Variants in ITCH observed in about 807,000 individuals in gnomAD.
ITCH encodes the protein E3 ubiquitin-protein ligase Itchy homolog.
A neutral mutation model predicts 126.8 loss-of-function variants in ITCH; 28 were observed. The observed-to-expected ratio is 0.22, with a 90% CI of 0.16 to 0.30. The LOEUF (loss-of-function observed/expected upper bound fraction) is 0.30, where lower values mean the gene tolerates loss of function less well. ITCH is among the 10% of genes least tolerant of loss of function. ITCH has a pLI of 1.00. For missense variants in ITCH, 631 were observed against 1,032.4 expected (o/e 0.61, Z 5.33); for synonymous variants, 342 against 340.0 (o/e 1.01, Z -0.06).
Position 34,408,521 on chromosome 20 carries a change from G to A in ITCH, c.71-130G>A, listed in dbSNP as rs1158687701. The A allele has an allele frequency of 3.8e-6, 3 of 796,458 alleles. No homozygotes were observed. In the African/African-American group the frequency reaches 5.2e-5, roughly 14 times the overall value. The allele number at this position is 796,458 out of a possible 1,614,324, so 49.3% of individuals were successfully genotyped here. A position where few individuals can be genotyped will look rare whatever the true frequency, so the allele number is the denominator to read the frequency against. ...ACAAAGGTTATGAGTGAATAAAATTGGTAAGTATTTTAGAGCAAAACTGCT... is the reference window on the plus strand; with the variant it reads ...ACAAAGGTTATGAGTGAATAAAATTAGTAAGTATTTTAGAGCAAAACTGCT... On this transcript the variant is annotated intron_variant, in intron 3 of 24. Transcript: ENST00000374864.
intron 23 of ITCH, among the ~76,000 whole-genome samples, chr20:34,492,839 A>G (rs1989611517): frequency 6.6e-6 from 1 of 152,232 alleles, no homozygotes; most frequent in Admixed American, 6.5e-5. Flanking sequence ...CTGTATGTAA[A>G]TCTGTTCATT....
At chr20:34,377,005 T>A (rs2037871713) in intron 2 of ITCH, among the ~76,000 whole-genome samples, 1 of 152,212 alleles carries the variant, frequency 6.6e-6, no homozygotes, top group Non-Finnish European at 1.5e-5. Context: ...TATCCCTTAC[T>A]CAGTCCCAAC....
chr20:34,394,383 C>T (rs1395732949), intron 3 of ITCH, among the ~76,000 whole-genome samples: 3 of 151,708 alleles, frequency 2.0e-5, no homozygotes, highest in African/African-American at 7.3e-5. Flanking sequence ...ACATGGGTAC[C>T]TGGGTAGTTG....
At chr20:34,392,282 A>T (rs2038516369) in intron 2 of ITCH, among the ~76,000 whole-genome samples, 1 of 152,220 alleles carries the variant, frequency 6.6e-6, no homozygotes, top group African/African-American at 2.4e-5. Context: ...TACCTTTCAT[A>T]TTTAAAATAA....
At position 34,386,870 on chromosome 20, in the gene ITCH, C is replaced by G. The variant is rs574012605; in HGVS notation, c.-21-6921C>G. On this transcript the variant is annotated intron_variant, in intron 2 of 24. Coordinates refer to ENST00000374864, the MANE Select transcript of ITCH (RefSeq NM_031483.7). ...TCTTCTGAAGTATGTCTATCCCTTT[C>G]CACATTTTTGTTTCCACTGCCTTTT... is the stretch of plus-strand genomic sequence containing the variant. 1.4e-4 allele frequency among the ~76,000 whole-genome samples: 22 copies of G among 152,208 alleles called. No individual in the cohort carries two copies. The South Asian group carries it at 3.7e-3, about 26-fold the overall frequency.
rs192959273 is a variant in ITCH, at chr20:34,505,628, T to C, written c.2489+1225T>C. ...AGTGCAGTGGCGTGATCTCAGCTCA[T>C]TGCAACCTCTGCCTCCTGGGTTCAA... On this transcript the variant is annotated intron_variant, in intron 24 of 24. Transcript: ENST00000374864. Among the ~76,000 whole-genome samples the C allele has an allele frequency of 4.2e-3, 630 of 151,600 alleles. 3 individuals are homozygous for C. The Middle Eastern group carries it at 0.044, about 11-fold the overall frequency.
At chr20:34,376,215 C>T (rs1343349089) in intron 2 of ITCH, among the ~76,000 whole-genome samples, 1 of 151,836 alleles carries the variant, frequency 6.6e-6, no homozygotes, top group East Asian at 1.9e-4. Context: ...AGTTCTTACC[C>T]ACGTAAAGAT....
chr20:34,488,259 A>G (rs184999143), intron 20 of ITCH, among the ~76,000 whole-genome samples: 3 of 151,056 alleles, frequency 2.0e-5, no homozygotes, highest in Non-Finnish European at 4.4e-5. Context: ...CTCAGCTTTT[A>G]TATGAAAACA....
chr20:34,408,830 T>G (rs750803857), intron 4 of ITCH, 38 bp downstream of exon 4: 3 of 1,597,836 alleles, frequency 1.9e-6, no homozygotes, highest in Non-Finnish European at 2.6e-6. Flanking sequence ...ATGTTTTGTT[T>G]AGTAGATGAT....
At chr20:34,463,968 A>G (rs1489061187) in intron 14 of ITCH, among the ~76,000 whole-genome samples, 1 of 151,296 alleles carries the variant, frequency 6.6e-6, no homozygotes, top group Non-Finnish European at 1.5e-5. Context: ...CTGATTTGTC[A>G]ATTTTTTCTT....
intron 3 of ITCH, among the ~76,000 whole-genome samples, chr20:34,394,141 G>GTC (rs2038585755): frequency 6.6e-6 from 1 of 150,554 alleles, no homozygotes; most frequent in African/African-American, 2.5e-5. Context: ...GACTTTGGGA[G>GTC]GTAGAGGTTG....
intron 12 of ITCH, among the ~76,000 whole-genome samples, chr20:34,453,701 A>G (rs1011430616): frequency 6.6e-6 from 1 of 152,086 alleles, no homozygotes; most frequent in Non-Finnish European, 1.5e-5. Context: ...TTAAACAAGA[A>G]AGAGAATTCT....
chr20:34,413,630 A>G lies in ITCH; in HGVS notation c.338-112A>G, dbSNP rs540916994. 3 of 959,056 alleles carry G rather than the reference A, an allele frequency of 3.1e-6. No individual in the cohort carries two copies. The East Asian group carries it at 7.8e-5, about 25-fold the overall frequency. The allele number at this position is 959,056 out of a possible 1,614,324, so 59.4% of individuals were successfully genotyped here. A position where few individuals can be genotyped will look rare whatever the true frequency, so the allele number is the denominator to read the frequency against. ...ACATAGTTAAACAGTTTATATGCAC[A>G]TATAGTTATATTTTCTCGGACATCA... On this transcript the variant is annotated intron_variant, in intron 5 of 24. Coordinates refer to ENST00000374864, the MANE Select transcript of ITCH (RefSeq NM_031483.7).
intron 3 of ITCH, among the ~76,000 whole-genome samples, chr20:34,405,024 AG>A (rs1479116031): frequency 1.3e-5 from 2 of 151,592 alleles, no homozygotes; most frequent in African/African-American, 4.9e-5. Context: ...CTGTAGTCCC[AG>A]CCACTTGGGA....
At chr20:34,448,119 G>C (rs1337550689) in intron 11 of ITCH, among the ~76,000 whole-genome samples, 1 of 152,196 alleles carries the variant, frequency 6.6e-6, no homozygotes, top group Non-Finnish European at 1.5e-5. Context: ...GCCTGGCGCG[G>C]TGGCTCACAC....
At chr20:34,466,100 C>G (rs1437229321) in intron 14 of ITCH, among the ~76,000 whole-genome samples, 1 of 151,898 alleles carries the variant, frequency 6.6e-6, no homozygotes, top group Non-Finnish European at 1.5e-5. Context: ...GTTTCCTATC[C>G]CTGTTGTGGA....
chr20:34,470,523 T>G (rs2146416212), intron 15 of ITCH, among the ~76,000 whole-genome samples: 1 of 152,266 alleles, frequency 6.6e-6, no homozygotes, highest in Non-Finnish European at 1.5e-5. Flanking sequence ...GCCATTACTT[T>G]CAGATTGCAG....
intron 1 of ITCH, among the ~76,000 whole-genome samples, chr20:34,366,085 G>C (rs1458279901): frequency 6.6e-6 from 1 of 152,148 alleles, no homozygotes; most frequent in Non-Finnish European, 1.5e-5. Context: ...AAAAGGGCGG[G>C]GAAAGAGAAG....
At chr20:34,461,323 C>G (rs1404071632) in intron 13 of ITCH, among the ~76,000 whole-genome samples, 1 of 152,132 alleles carries the variant, frequency 6.6e-6, no homozygotes, top group Non-Finnish European at 1.5e-5. Flanking sequence ...AATAAGATCT[C>G]TGTTTTAGGA....
Sources: allele counts gnomAD v4.1 joint callset (sites outside exome capture counted in the v4.1 genomes callset), GRCh38; gene constraint gnomAD v4.1.1; transcripts MANE v1.5; gene names NCBI Gene and HGNC (gene_info 2026-07-23, HGNC 2026-07-21).